The following NUP205 variants were observed in gnomAD, a reference collection of about 807,000 sequenced individuals.
NUP205 encodes the protein nucleoporin 205.
Under a neutral mutation model 253.8 loss-of-function variants are expected in NUP205, and 76 were observed. The observed-to-expected ratio is 0.30, with a 90% CI of 0.25 to 0.36. NUP205 has a LOEUF of 0.36. Ranked by LOEUF, NUP205 falls within the 10% of genes least tolerant of loss-of-function variation. The pLI is 1.00. For missense variants in NUP205, 2,162 were observed against 2,425.5 expected, an observed-to-expected ratio of 0.89 and a Z score of 2.28; for synonymous variants, 832 against 850.1, an observed-to-expected ratio of 0.98 and a Z score of 0.37.
chr7:135,611,515 GTCT>G (rs778971727), intron 22 of NUP205, among the ~76,000 whole-genome samples: 10 of 152,046 alleles, frequency 6.6e-5, no homozygotes, highest in East Asian at 1.9e-4. Flanking sequence ...TCTTTTCCTT[GTCT>G]TCTTTCTCTT....
Position 135,614,179 on chromosome 7 carries a change from A to C in NUP205, c.3216A>C (p.Ala1072=), listed in dbSNP as rs759506766. 60 of 1,601,258 alleles carry C rather than the reference A, an allele frequency of 3.7e-5. No homozygotes were observed. The highest frequency in any genetic ancestry group is 4.9e-5 in the Non-Finnish European group (57 of 1,168,824). ...LCYQVIYQLC[A]CSDTSGPTMR... ...TTTAGGTCATATATCAGTTATGTGC[A>C]TGCTCTGATACATCTGGTCCTACTA... The change falls in exon 23 of 43, where the codon GCA becomes GCC. Residue 1072 remains alanine, a synonymous_variant. Coordinates refer to ENST00000285968, the MANE Select transcript of NUP205 (RefSeq NM_015135.3).
chr7:135,581,780 T>C (rs976067701), intron 7 of NUP205, among the ~76,000 whole-genome samples: 1 of 148,502 alleles, frequency 6.7e-6, no homozygotes. Context: ...TTGAACCTAG[T>C]GGGCAGAGGT....
intron 27 of NUP205, among the ~76,000 whole-genome samples, chr7:135,617,954 G>C (rs538013633): frequency 1.1e-3 from 166 of 151,838 alleles, no homozygotes; most frequent in African/African-American, 3.4e-3. Flanking sequence ...CCATCAGTGA[G>C]AGAGGAGGGT....
chr7:135,563,940 A>G (rs1367870189), intron 1 of NUP205, among the ~76,000 whole-genome samples: 1 of 152,040 alleles, frequency 6.6e-6, no homozygotes, highest in Non-Finnish European at 1.5e-5. Context: ...ATGAGCTGTG[A>G]TTGCCTCACT....
Position 135,626,327 on chromosome 7 carries a change from G to C in NUP205, c.4759G>C (p.Val1587Leu). The C allele has an allele frequency of 6.2e-7, 1 of 1,614,120 alleles. No homozygotes were observed. The highest frequency in any genetic ancestry group is 8.5e-7 in the Non-Finnish European group (1 of 1,180,006). ...GVIVRLAQCQVYDMRPETDPQ... is the reference protein window; with the variant it reads ...GVIVRLAQCQLYDMRPETDPQ... ...GATTGTGAGACTAGCTCAATGCCAA[G>C]TCTATGACATGCGCCCAGAAACGGA... The change falls in exon 33 of 43, where the codon GTC (valine) becomes CTC (leucine). Residue 1587 changes from valine to leucine, a missense_variant. Coordinates refer to ENST00000285968, the MANE Select transcript of NUP205 (RefSeq NM_015135.3).
Position 135,618,541 on chromosome 7 carries a change from C to A in NUP205, c.3901C>A (p.Leu1301Ile). 6.2e-7 allele frequency: 1 copy of A among 1,613,552 alleles called. No homozygotes were observed. Among genetic ancestry groups the A allele is most frequent in the Non-Finnish European group, 8.5e-7 (1 of 1,179,804 alleles). Residue 1301 changes from leucine (L) to isoleucine (I), a missense_variant, in exon 28 of 43, where the codon CTC (leucine) becomes ATC (isoleucine). Physicochemically the swap from Leu to Ile is conservative, Grantham distance 5. This residue lies in a region of NUP205 where 1,144 missense variants were observed against 1,280.9 expected (regional missense o/e 0.89). Coordinates refer to ENST00000285968, the MANE Select transcript of NUP205 (RefSeq NM_015135.3). ...EIILTACPQD[L>I]IQAEDRQLII... ...TATACTGACAGCTTGTCCCCAGGACCTCATTCAGGCAGAGGATCGACAACT... is the reference window on the plus strand; with the variant it reads ...TATACTGACAGCTTGTCCCCAGGACATCATTCAGGCAGAGGATCGACAACT...
intron 22 of NUP205, among the ~76,000 whole-genome samples, chr7:135,611,718 A>G (rs2129491022): frequency 6.6e-6 from 1 of 152,326 alleles, no homozygotes; most frequent in Non-Finnish European, 1.5e-5. Context: ...TGTGCCTGTT[A>G]ATCCCAGGTA....
At chr7:135,596,536 A>G (rs1563121426) in intron 13 of NUP205, among the ~76,000 whole-genome samples, 1 of 152,184 alleles carries the variant, frequency 6.6e-6, no homozygotes, top group South Asian at 2.1e-4. Flanking sequence ...TTTGATTTGC[A>G]AGAAAGTAAA....
chr7:135,587,260 G>A (rs1178050328), intron 8 of NUP205, among the ~76,000 whole-genome samples: 1 of 152,070 alleles, frequency 6.6e-6, no homozygotes, highest in Non-Finnish European at 1.5e-5. Flanking sequence ...AAATGTCCTG[G>A]AATATTCAGG....
intron 2 of NUP205, 82 bp from the exon 3 acceptor site, chr7:135,573,572 T>C: frequency 7.3e-6 from 7 of 955,530 alleles, no homozygotes; most frequent in South Asian, 1.9e-5. Context: ...TGAATTATCA[T>C]GAATAAGCTT....
chr7:135,563,415 C>G (rs1157918460), intron 1 of NUP205, among the ~76,000 whole-genome samples: 1 of 152,056 alleles, frequency 6.6e-6, no homozygotes, highest in African/African-American at 2.4e-5. Context: ...TCTTGATCTC[C>G]TGACCTCGTG....
In NUP205 at chr7:135,604,502, GC is replaced by G. The variant is rs781457489; in HGVS notation, c.2823+43del. 1.1e-5 allele frequency: 17 copies of G among 1,575,396 alleles called. No homozygotes were observed. The Admixed American group carries it at 3.2e-4, about 30-fold the overall frequency. The stretch of plus-strand genomic sequence containing the variant: ...CTCTTGTTATTTTTTGGTGCATTTT[GC>G]ATTTTGACTATATATGGAAGTTCTA... On this transcript the variant is annotated intron_variant, in intron 19 of 42. Transcript: ENST00000285968.
At chr7:135,638,414 G>GAAAAAAAAAAAAAAAAAAAAA in intron 37 of NUP205, 143 bp from the exon 38 acceptor site, 2 of 464,218 alleles carry the variant, frequency 4.3e-6, no homozygotes, top group South Asian at 2.4e-5. Context: ...GACTCCATCT[G>GAAAAAAAAAAAAAAAAAAAAA]AAAAAAAAAA....
chr7:135,570,050 T>G (rs538128755), intron 1 of NUP205, among the ~76,000 whole-genome samples: 6,591 of 87,830 alleles, frequency 0.075, 202 homozygotes, highest in African/African-American at 0.12. Flanking sequence ...TATATATATA[T>G]ATAGAGAGAG....
In NUP205 at chr7:135,616,694, C is replaced by T; in HGVS notation, c.3500C>T (p.Ser1167Phe). Reference protein sequence around the residue: ...GGIEDENRSVSGFLHFDTATK... With the variant: ...GGIEDENRSVFGFLHFDTATK... ...ATAGAAGATGAAAACAGGTCTGTTT[C>T]TGGGTTCCTTCACTTTGACACTGCT... The change falls in exon 25 of 43, where the codon TCT becomes TTT. Residue 1167 changes from serine to phenylalanine, a missense_variant. This residue lies in a region of NUP205 where 1,144 missense variants were observed against 1,280.9 expected (regional missense o/e 0.89). Coordinates refer to ENST00000285968, the MANE Select transcript of NUP205 (RefSeq NM_015135.3). 1 of 1,571,136 alleles carries T rather than the reference C, an allele frequency of 6.4e-7. No homozygotes were observed. Among genetic ancestry groups the T allele is most frequent in the Non-Finnish European group, 8.6e-7 (1 of 1,163,408 alleles).
intron 23 of NUP205, among the ~76,000 whole-genome samples, chr7:135,614,669 A>G (rs1409655207): frequency 6.6e-6 from 1 of 152,202 alleles, no homozygotes; most frequent in Admixed American, 6.5e-5. Context: ...ATTGAAACCA[A>G]TTCAGATCTT....
intron 39 of NUP205, 27 bp downstream of exon 39, chr7:135,643,385 G>GA (rs759871717): frequency 2.5e-6 from 4 of 1,599,376 alleles, no homozygotes; most frequent in South Asian, 1.1e-5. Context: ...GAGCTGGGGG[G>GA]ACTTGAGAAA....
At position 135,626,064 on chromosome 7, in the gene NUP205, A is replaced by C. The variant is rs184649893; in HGVS notation, c.4672-176A>C. ...TGTGGGCGCTTTAGATATGTTGAAC[A>C]CTGAGTCCTCATGAAAATCCTAGGA... On this transcript the variant is annotated intron_variant, in intron 32 of 42. Coordinates refer to ENST00000285968, the MANE Select transcript of NUP205 (RefSeq NM_015135.3). Among the ~76,000 whole-genome samples, 500 of 152,304 alleles carry C rather than the reference A, an allele frequency of 3.3e-3. 5 individuals are homozygous for C. Among genetic ancestry groups the C allele is most frequent in the African/African-American group, 0.011 (463 of 41,560 alleles).
rs756638374 is a variant in NUP205 at position 135,645,028 on chromosome 7, A to T, written c.5683+10A>T. The T allele has an allele frequency of 1.2e-6, 2 of 1,613,572 alleles. No individual in the cohort carries two copies. Among genetic ancestry groups the T allele is most frequent in the South Asian group, 1.1e-5 (1 of 90,894 alleles). On this transcript the variant is annotated intron_variant, in intron 40 of 42. Transcript: ENST00000285968. ...CTTTCCCTTTGTTCTTGTATCCTTT[A>T]TGAAATCATGCACTTGAATGATGAC...
Sources: allele counts gnomAD v4.1 joint callset (sites outside exome capture counted in the v4.1 genomes callset), GRCh38; gene constraint gnomAD v4.1.1; regional missense constraint gnomAD v4.1.1; transcripts MANE v1.5; gene names NCBI Gene and HGNC (gene_info 2026-07-23, HGNC 2026-07-21).